The following FAM117B variants were observed in gnomAD, a reference collection of about 807,000 sequenced individuals.
FAM117B encodes family with sequence similarity 117 member B, also known as protein FAM117B.
Under a neutral mutation model 52.8 loss-of-function variants are expected in FAM117B, and 22 were observed. The observed-to-expected ratio is 0.42, with a 90% CI of 0.30 to 0.59. FAM117B has a LOEUF of 0.59. Among genes scored for constraint, FAM117B ranks in the 20% least tolerant of loss-of-function variants. The probability of loss-of-function intolerance (pLI) is 0.22; values close to 1 mark genes in which losing one functional copy is unlikely to be tolerated. For synonymous variants in FAM117B, 309 were observed against 324.1 expected, an observed-to-expected ratio of 0.95 and a Z score of 0.50; for missense variants, 678 against 802.6, an observed-to-expected ratio of 0.84 and a Z score of 1.88.
At chr2:202,647,212 A>G (rs1689882136) in intron 1 of FAM117B, among the ~76,000 whole-genome samples, 1 of 152,128 alleles carries the variant, frequency 6.6e-6, no homozygotes, top group African/African-American at 2.4e-5. Context: ...AAGCTACTAA[A>G]ACCATAAAGC....
chr2:202,724,051 CT>C (rs34063266), intron 2 of FAM117B, among the ~76,000 whole-genome samples: 2 of 89,792 alleles, frequency 2.2e-5, no homozygotes, highest in Middle Eastern at 0.011. Flanking sequence ...TAAGGTTTAA[CT>C]TTTTTTTTTT....
At chr2:202,759,726 T>C (rs1691856269) in intron 7 of FAM117B, among the ~76,000 whole-genome samples, 1 of 151,826 alleles carries the variant, frequency 6.6e-6, no homozygotes, top group Admixed American at 6.6e-5. Flanking sequence ...CCCGGCTAAT[T>C]TTTTGTATTT....
intron 1 of FAM117B, among the ~76,000 whole-genome samples, chr2:202,655,707 TGAGAGAGAGAGAGAGA>T (rs60423652): frequency 0.013 from 1,330 of 98,910 alleles, 39 homozygotes; most frequent in South Asian, 0.043. Flanking sequence ...GGGAAGAGAG[TGAGAGAGAGAGAGAGA>T]GAGAGAGAGA....
chr2:202,731,871 G>A (rs1032965415), intron 4 of FAM117B, among the ~76,000 whole-genome samples: 1 of 152,114 alleles, frequency 6.6e-6, no homozygotes, highest in Admixed American at 6.5e-5. Flanking sequence ...GAATAGCTGG[G>A]ATTACAGGCG....
intron 4 of FAM117B, among the ~76,000 whole-genome samples, chr2:202,741,726 C>T (rs913708515): frequency 8.6e-5 from 13 of 151,798 alleles, no homozygotes; most frequent in African/African-American, 2.2e-4. Flanking sequence ...TTAGTAGAGA[C>T]GGGGTTTCAC....
intron 1 of FAM117B, among the ~76,000 whole-genome samples, chr2:202,691,594 A>C (rs961900002): frequency 3.3e-5 from 5 of 151,946 alleles, no homozygotes; most frequent in African/African-American, 9.6e-5. Context: ...GTTAGGGAAG[A>C]AAAGTGCCAG....
At chr2:202,763,857 C>T (rs148784353) in intron 7 of FAM117B, among the ~76,000 whole-genome samples, 44 of 152,298 alleles carry the variant, frequency 2.9e-4, no homozygotes, top group South Asian at 6.2e-4. Flanking sequence ...ACTCCCCATC[C>T]GCTGTTTACT....
chr2:202,667,431 A>C (rs1162994908), intron 1 of FAM117B, among the ~76,000 whole-genome samples: 1 of 152,094 alleles, frequency 6.6e-6, no homozygotes, highest in Non-Finnish European at 1.5e-5. Flanking sequence ...AGCTTAAAGA[A>C]AAAAAGCTTT....
At chr2:202,719,461 C>G (rs941302339) in intron 2 of FAM117B, among the ~76,000 whole-genome samples, 1 of 152,140 alleles carries the variant, frequency 6.6e-6, no homozygotes, top group African/African-American at 2.4e-5. Context: ...AAACCTTTCA[C>G]CTATATTTAC....
At chr2:202,759,392 AT>A in intron 7 of FAM117B, 39 bp downstream of exon 7, 3 of 1,594,120 alleles carry the variant, frequency 1.9e-6, no homozygotes. Context: ...AAAAACTATT[AT>A]GAGCTTTTTT....
intron 1 of FAM117B, among the ~76,000 whole-genome samples, chr2:202,650,472 A>G (rs1000988263): frequency 1.3e-5 from 2 of 152,210 alleles, no homozygotes; most frequent in African/African-American, 2.4e-5. Context: ...GAAAAGGCTC[A>G]TGTATTAGGG....
At chr2:202,764,653 G>T (rs1453188413) in intron 7 of FAM117B, among the ~76,000 whole-genome samples, 3 of 152,058 alleles carry the variant, frequency 2.0e-5, no homozygotes, top group Non-Finnish European at 4.4e-5. Context: ...TAGTTCTGTG[G>T]CATTTCTGTG....
At chr2:202,701,741 T>G (rs1690797941) in intron 2 of FAM117B, among the ~76,000 whole-genome samples, 1 of 152,204 alleles carries the variant, frequency 6.6e-6, no homozygotes, top group African/African-American at 2.4e-5. Flanking sequence ...AATAGCAAGA[T>G]AACTAGAATT....
chr2:202,740,042 G>A (rs1403472394), intron 4 of FAM117B, among the ~76,000 whole-genome samples: 9 of 150,966 alleles, frequency 6.0e-5, no homozygotes, highest in South Asian at 2.1e-4. Context: ...GCGTGGTGGC[G>A]GGCGCCTGTA....
At chr2:202,731,368 T>TATATATATA (rs780138718) in intron 4 of FAM117B, among the ~76,000 whole-genome samples, 50 of 95,828 alleles carry the variant, frequency 5.2e-4, no homozygotes, top group Middle Eastern at 7.8e-3. Context: ...TATATATATA[T>TATATATATA]GGAGAGAGAG....
At chr2:202,687,980 A>T (rs1162391030) in intron 1 of FAM117B, among the ~76,000 whole-genome samples, 2 of 152,254 alleles carry the variant, frequency 1.3e-5, no homozygotes, top group African/African-American at 4.8e-5. Context: ...ACTGGAGAAG[A>T]TGCAAAATTA....
At chr2:202,740,497 T>C (rs1691516321) in intron 4 of FAM117B, among the ~76,000 whole-genome samples, 1 of 152,126 alleles carries the variant, frequency 6.6e-6, no homozygotes, top group Non-Finnish European at 1.5e-5. Flanking sequence ...TTACTGTATA[T>C]AGTGTATTTG....
chr2:202,685,628 C>T (rs189328820), intron 1 of FAM117B, among the ~76,000 whole-genome samples: 3 of 152,172 alleles, frequency 2.0e-5, no homozygotes, highest in Admixed American at 2.0e-4. Context: ...AATAATAGAA[C>T]ATTGAGAAAT....
Position 202,695,861 on chromosome 2 carries a change from C to A in FAM117B, c.602-20C>A. 4 of 1,553,952 alleles carry A rather than the reference C, an allele frequency of 2.6e-6. No homozygotes were observed. Among genetic ancestry groups the A allele is most frequent in the Non-Finnish European group, 3.5e-6 (4 of 1,148,828 alleles). On this transcript the variant is annotated intron_variant, in intron 1 of 7. Coordinates refer to ENST00000392238, the MANE Select transcript of FAM117B (RefSeq NM_173511.4). ...TCTTTCCTAATTTTATTAAAACAAG[C>A]ATTTTTGTCTTAAATCTAGGTGACA...
Sources: gnomAD v4.1 joint callset for allele counts (sites outside exome capture counted in the v4.1 genomes callset) on GRCh38, gnomAD v4.1.1 for gene constraint, MANE v1.5 for transcripts, NCBI Gene and HGNC (gene_info 2026-07-23, HGNC 2026-07-21) for gene names.